NRXN3: variants seen among roughly 807,000 people sequenced by gnomAD.
NRXN3 encodes neurexin III.
Under a neutral mutation model 137.6 loss-of-function variants are expected in NRXN3, and 32 were observed. That is an observed-to-expected ratio of 0.23 (90% CI 0.18 to 0.31). NRXN3 has a LOEUF of 0.31. NRXN3 is among the 10% of genes least tolerant of loss of function. NRXN3 has a pLI of 1.00. For synonymous variants in NRXN3, 798 were observed against 784.5 expected (o/e 1.02, Z -0.29); for missense variants, 1,574 against 2,062.5 (o/e 0.76, Z 4.59).
Position 78,957,325 on chromosome 14 carries a change from A to C in NRXN3, c.2359A>C (p.Ser787Arg). 1 of 1,614,128 alleles carries C rather than the reference A, an allele frequency of 6.2e-7. No homozygotes were observed. The highest frequency in any genetic ancestry group is 8.5e-7 in the Non-Finnish European group (1 of 1,180,022). The change falls in exon 11 of 21, where the codon AGC (serine) becomes CGC (arginine). Residue 787 changes from serine to arginine, a missense_variant. By Grantham distance (110) the Ser-to-Arg change is moderately radical. Around this residue, in one of 5 missense-constraint regions of NRXN3, gnomAD observed 718 missense variants for 887.6 expected, o/e 0.81. Transcript: ENST00000335750. ...CGTTCGGGTGGTGCGGAGAGGAAAA[A>C]GCCTTAAGTTAACCGTGGATGATGA... ...HTVRVVRRGK[S>R]LKLTVDDDVA...
intron 4 of NRXN3, among the ~76,000 whole-genome samples, chr14:78,384,624 T>C (rs144195677): frequency 2.0e-3 from 301 of 152,264 alleles, no homozygotes; most frequent in African/African-American, 6.8e-3. Context: ...GGGGAGTTCT[T>C]GAGGGTGGAA....
chr14:79,265,621 T>A (rs2078346188), intron 15 of NRXN3, among the ~76,000 whole-genome samples: 1 of 152,184 alleles, frequency 6.6e-6, no homozygotes, highest in Admixed American at 6.5e-5. Flanking sequence ...CCCAATAGCA[T>A]ACTGTCCTTT....
At chr14:79,376,788 A>G (rs1407683304) in intron 15 of NRXN3, among the ~76,000 whole-genome samples, 1 of 152,212 alleles carries the variant, frequency 6.6e-6, no homozygotes, top group Non-Finnish European at 1.5e-5. Context: ...ATTACGATGC[A>G]TATGGATAGA....
At chr14:78,248,182 T>A (rs1282202941) in intron 2 of NRXN3, among the ~76,000 whole-genome samples, 2 of 152,132 alleles carry the variant, frequency 1.3e-5, no homozygotes, top group Non-Finnish European at 2.9e-5. Flanking sequence ...TTAGCTGTTA[T>A]GTTTTCAAGT....
intron 2 of NRXN3, among the ~76,000 whole-genome samples, chr14:78,273,241 A>T (rs935928424): frequency 6.6e-6 from 1 of 152,218 alleles, no homozygotes; most frequent in Admixed American, 6.5e-5. Context: ...TTCTGGCTCC[A>T]CAGGCTGTGT....
At chr14:79,803,941 ATATGTATATATATATACATATATATG>A (rs2099192605) in intron 19 of NRXN3, among the ~76,000 whole-genome samples, 2 of 140,130 alleles carry the variant, frequency 1.4e-5, no homozygotes, top group African/African-American at 2.6e-5. Flanking sequence ...GTGTATATAT[ATATGTATATATATATACATATATATG>A]TATGTATGTA....
intron 4 of NRXN3, among the ~76,000 whole-genome samples, chr14:78,425,414 A>G (rs2093624075): frequency 6.6e-6 from 1 of 152,210 alleles, no homozygotes; most frequent in Non-Finnish European, 1.5e-5. Flanking sequence ...TAGCATGTAC[A>G]GGAATGATCT....
intron 16 of NRXN3, among the ~76,000 whole-genome samples, chr14:79,581,579 G>C (rs549831047): frequency 6.6e-6 from 1 of 152,204 alleles, no homozygotes; most frequent in East Asian, 1.9e-4. Context: ...TCATGTCTTT[G>C]TTTCTTTGAT....
intron 15 of NRXN3, among the ~76,000 whole-genome samples, chr14:79,134,404 C>T (rs1335285627): frequency 6.6e-6 from 1 of 152,194 alleles, no homozygotes; most frequent in Non-Finnish European, 1.5e-5. Flanking sequence ...AGACTATCTT[C>T]TAAATATATC....
chr14:79,664,366 GA>G (rs1360172043), intron 17 of NRXN3, among the ~76,000 whole-genome samples: 2 of 152,140 alleles, frequency 1.3e-5, no homozygotes, highest in African/African-American at 4.8e-5. Context: ...AGATGCCAGA[GA>G]GAGACTCTAA....
intron 15 of NRXN3, among the ~76,000 whole-genome samples, chr14:79,265,742 T>G (rs2078367280): frequency 6.6e-6 from 1 of 152,188 alleles, no homozygotes; most frequent in African/African-American, 2.4e-5. Context: ...ACTCCCTCTG[T>G]GATGTTTCAC....
chr14:78,849,014 A>C (rs531756406), intron 10 of NRXN3, among the ~76,000 whole-genome samples: 8 of 152,080 alleles, frequency 5.3e-5, no homozygotes, highest in Non-Finnish European at 1.0e-4. Flanking sequence ...AATTATGCAC[A>C]GAGAAAACTT....
chr14:79,740,059 A>G (rs1488396431), intron 19 of NRXN3, among the ~76,000 whole-genome samples: 1 of 152,130 alleles, frequency 6.6e-6, no homozygotes, highest in Non-Finnish European at 1.5e-5. Context: ...TTTCTTTACT[A>G]AAACTGCCAA....
chr14:78,640,056 T>C (rs1261343695), intron 4 of NRXN3, among the ~76,000 whole-genome samples: 1 of 152,188 alleles, frequency 6.6e-6, no homozygotes, highest in Non-Finnish European at 1.5e-5. Context: ...AATTTTGCCT[T>C]TGGTCTTTGG....
intron 16 of NRXN3, among the ~76,000 whole-genome samples, chr14:79,546,019 G>A (rs970899010): frequency 6.6e-6 from 1 of 152,064 alleles, no homozygotes; most frequent in African/African-American, 2.4e-5. Context: ...GTTATTATAA[G>A]GGGGAGCTTC....
intron 1 of NRXN3, chr14:78,231,548 C>A (rs2065397689): frequency 6.6e-6 from 1 of 152,194 alleles, no homozygotes; most frequent in South Asian, 2.1e-4. Flanking sequence ...GGGCCAAATT[C>A]ATGCAATAAA....
chr14:79,517,092 G>GC (rs35613259), intron 16 of NRXN3, among the ~76,000 whole-genome samples: 63,960 of 123,870 alleles, frequency 0.52, 17,554 homozygotes, highest in Admixed American at 0.65. Flanking sequence ...CAAATGTACA[G>GC]CCCCCCCCCC....
chr14:78,663,482 C>T (rs896180929), intron 6 of NRXN3, among the ~76,000 whole-genome samples: 9 of 152,104 alleles, frequency 5.9e-5, no homozygotes, highest in African/African-American at 2.2e-4. Context: ...ATTATGGTAC[C>T]TGAGAGGGAA....
chr14:79,710,341 GGGCTA>G (rs1161488763), intron 19 of NRXN3, among the ~76,000 whole-genome samples: 2 of 152,034 alleles, frequency 1.3e-5, no homozygotes, highest in East Asian at 1.9e-4. Context: ...GCTTTTGAAA[GGGCTA>G]CTTTAAAAAA....
Sources: allele counts gnomAD v4.1 joint callset (sites outside exome capture counted in the v4.1 genomes callset), GRCh38; gene constraint gnomAD v4.1.1; regional missense constraint gnomAD v4.1.1; transcripts MANE v1.5; gene names NCBI Gene and HGNC (gene_info 2026-07-23, HGNC 2026-07-21).